The following DCT variants were observed in gnomAD, a reference collection of about 807,000 sequenced individuals.
DCT encodes dopachrome tautomerase, also known as L-dopachrome tautomerase.
Under a neutral mutation model 53.0 loss-of-function variants are expected in DCT, and 47 were observed. The observed-to-expected ratio is 0.89, with a 90% CI of 0.70 to 1.13. DCT has a LOEUF of 1.13. Ranked by LOEUF, DCT falls within the 50% of genes most tolerant of loss-of-function variation. DCT has a pLI of 0.00. For synonymous variants in DCT, 244 were observed against 237.0 expected (o/e 1.03, Z -0.27); for missense variants, 669 against 637.4 (o/e 1.05, Z -0.53).
At chr13:94,449,863 T>G (rs1882969454) in intron 6 of DCT, among the ~76,000 whole-genome samples, 1 of 152,200 alleles carries the variant, frequency 6.6e-6, no homozygotes, top group Non-Finnish European at 1.5e-5. Flanking sequence ...CCCAAGCCTT[T>G]ATTTAATTAA....
chr13:94,537,538 AC>A, the DCT span, among the ~76,000 whole-genome samples: 1 of 152,244 alleles, frequency 6.6e-6, no homozygotes, highest in Admixed American at 6.5e-5. Context: ...TTTTTGAAGT[AC>A]TAACAAAGAC....
chr13:94,465,985 T>TATATATATATAA (rs1884181927), intron 3 of DCT, among the ~76,000 whole-genome samples, 186 bp from the exon 4 acceptor site: 1 of 17,518 alleles, frequency 5.7e-5, no homozygotes, highest in African/African-American at 1.9e-4. Context: ...TATATATATA[T>TATATATATATAA]ATATATATAT....
At chr13:94,464,133 C>T (rs1178966995) in intron 4 of DCT, among the ~76,000 whole-genome samples, 2 of 152,198 alleles carry the variant, frequency 1.3e-5, no homozygotes, top group Admixed American at 1.3e-4. Flanking sequence ...TGATGATGTC[C>T]CTGCTCGTGG....
chr13:94,465,870 A>G (rs1884159224), intron 3 of DCT, 71 bp from the exon 4 acceptor site: 1 of 1,332,068 alleles, frequency 7.5e-7, no homozygotes, highest in Non-Finnish European at 1.0e-6. Flanking sequence ...TACAAGGCAA[A>G]GGCTGATATG....
the DCT span, among the ~76,000 whole-genome samples, chr13:94,521,333 T>C: frequency 3.1e-3 from 474 of 152,364 alleles, 2 homozygotes; most frequent in African/African-American, 0.011. Context: ...GGAACCTAAA[T>C]ATTTTTAATG....
intron 4 of DCT, among the ~76,000 whole-genome samples, chr13:94,463,292 T>C (rs909443722): frequency 2.0e-5 from 3 of 150,856 alleles, no homozygotes; most frequent in African/African-American, 7.3e-5. Flanking sequence ...TAACTTTTTT[T>C]TTTTTTTTTT....
intron 6 of DCT, among the ~76,000 whole-genome samples, chr13:94,456,142 C>A (rs1351911049): frequency 6.6e-6 from 1 of 152,234 alleles, no homozygotes; most frequent in Non-Finnish European, 1.5e-5. Context: ...TAAGCCCCCA[C>A]CTTGTTAGAG....
the DCT span, among the ~76,000 whole-genome samples, chr13:94,538,438 C>A: frequency 6.6e-6 from 1 of 152,188 alleles, no homozygotes; most frequent in Non-Finnish European, 1.5e-5. Flanking sequence ...TTCCCACCAC[C>A]CCTCCCCGCC....
At chr13:94,525,763 G>A in the DCT span, among the ~76,000 whole-genome samples, 634 of 152,274 alleles carry the variant, frequency 4.2e-3, 5 homozygotes, top group African/African-American at 0.015. Flanking sequence ...AAGGTAGGAA[G>A]GGGAAGATCA....
chr13:94,542,297 TCC>T, the DCT span, among the ~76,000 whole-genome samples: 1 of 152,166 alleles, frequency 6.6e-6, no homozygotes, highest in East Asian at 1.9e-4. Context: ...CAAGCAATTC[TCC>T]CACTTCAGCC....
At chr13:94,482,397 C>G (rs1323123902), upstream of DCT, among the ~76,000 whole-genome samples, 6 of 152,300 alleles carry the variant, frequency 3.9e-5, no homozygotes, top group East Asian at 1.2e-3. Flanking sequence ...TTGCCATTCC[C>G]TCTGTCTGGA....
chr13:94,474,892 G>A lies in DCT; in HGVS notation c.295+4069C>T, dbSNP rs146941992. 1.2e-3 allele frequency among the ~76,000 whole-genome samples: 176 copies of A among 152,280 alleles called. 3 individuals are homozygous for A. Among genetic ancestry groups the A allele is most frequent in the African/African-American group, 4.1e-3 (169 of 41,566 alleles). ...GCTTCATGATTATGGAAACTATGAGGTGTTTATTTTCCAAAGAATTAACAA... is the reference window on the plus strand; with the variant it reads ...GCTTCATGATTATGGAAACTATGAGATGTTTATTTTCCAAAGAATTAACAA... On this transcript the variant is annotated intron_variant, in intron 1 of 7. Transcript: ENST00000377028.
chr13:94,456,334 A>T (rs1048053038), intron 6 of DCT, among the ~76,000 whole-genome samples: 7 of 152,072 alleles, frequency 4.6e-5, no homozygotes, highest in Non-Finnish European at 7.4e-5. Flanking sequence ...GCTACTTCAC[A>T]CCCATCAGGC....
Position 94,479,084 on chromosome 13 carries a change from G to C in DCT, c.172C>G (p.Arg58Gly), listed in dbSNP as rs376910067. 9.3e-6 allele frequency: 15 copies of C among 1,614,196 alleles called. No individual in the cohort carries two copies. Among genetic ancestry groups the C allele is most frequent in the Non-Finnish European group, 1.2e-5 (14 of 1,180,040 alleles). The change falls in exon 1 of 8, where the codon CGG (arginine) becomes GGG (glycine). Residue 58 changes from arginine to glycine, a missense_variant. Coordinates refer to ENST00000377028, the MANE Select transcript of DCT (RefSeq NM_001922.5). ...GCTCGCACCTCTGTGCACTGCCCCC[G>C]GCCTTGCTGAGAGCCACAGACATTG... Reference protein sequence around the residue: ...SANVCGSQQGRGQCTEVRADT... With the variant: ...SANVCGSQQGGGQCTEVRADT...
rs1484612323 is a variant in DCT at position 94,460,830 on chromosome 13, T to A, written c.1044-604A>T. Among the ~76,000 whole-genome samples, 7 of 152,224 alleles carry A rather than the reference T, an allele frequency of 4.6e-5. No homozygotes were observed. The East Asian group carries it at 1.3e-3, about 29-fold the overall frequency. ...CTTTAAGAATTATGAGAAATATGTT[T>A]ATAAATAAGACTTTAAACAAAGATG... On this transcript the variant is annotated intron_variant, in intron 5 of 7. Coordinates refer to ENST00000377028, the MANE Select transcript of DCT (RefSeq NM_001922.5).
At chr13:94,469,392 G>A (rs1271036104) in intron 1 of DCT, among the ~76,000 whole-genome samples, 1 of 152,174 alleles carries the variant, frequency 6.6e-6, no homozygotes, top group East Asian at 1.9e-4. Context: ...GGTAAATGAG[G>A]TAATTAGAGT....
At chr13:94,510,747 C>T in the DCT span, among the ~76,000 whole-genome samples, 1 of 152,166 alleles carries the variant, frequency 6.6e-6, no homozygotes. Context: ...CACAAATAGG[C>T]TTCTCCAGCA....
intron 1 of DCT, among the ~76,000 whole-genome samples, chr13:94,474,399 T>C (rs1418990704): frequency 1.3e-5 from 2 of 152,226 alleles, no homozygotes; most frequent in Non-Finnish European, 2.9e-5. Flanking sequence ...CTATTCCTTT[T>C]AATTAGAGAT....
intron 6 of DCT, among the ~76,000 whole-genome samples, chr13:94,456,402 T>G (rs1883417319): frequency 6.6e-6 from 1 of 152,162 alleles, no homozygotes; most frequent in Admixed American, 6.5e-5. Context: ...CTCCTTTTTT[T>G]GTACCCTGGG....
Sources: allele counts gnomAD v4.1 joint callset (sites outside exome capture counted in the v4.1 genomes callset), GRCh38; gene constraint gnomAD v4.1.1; transcripts MANE v1.5; gene names NCBI Gene and HGNC (gene_info 2026-07-23, HGNC 2026-07-21).